Variants in ASAP1 observed in about 807,000 individuals in gnomAD.
The protein encoded by ASAP1 is ArfGAP with SH3 domain, ankyrin repeat and PH domain 1.
ASAP1 carries 43 observed loss-of-function variants against 145.2 expected under a neutral mutation model. The ratio of observed to expected loss-of-function variants is 0.30; its 90% confidence interval spans 0.23 to 0.38. The LOEUF (loss-of-function observed/expected upper bound fraction) is 0.38, where lower values mean the gene tolerates loss of function less well. ASAP1 is among the 10% of genes least tolerant of loss of function. The pLI, the probability that ASAP1 is intolerant of heterozygous loss-of-function variation, is 1.00. For synonymous variants in ASAP1, 546 were observed against 515.5 expected (o/e 1.06, Z -0.80); for missense variants, 1,018 against 1,355.3 (o/e 0.75, Z 3.91).
chr8:130,315,911 T>A (rs1823637083), intron 3 of ASAP1, among the ~76,000 whole-genome samples: 1 of 152,174 alleles, frequency 6.6e-6, no homozygotes, highest in Admixed American at 6.5e-5. Context: ...TAGATATAAA[T>A]CCCACTTATC....
chr8:130,188,739 A>AAAAAAAAAAAAAAAAAAG (rs1554842792), intron 5 of ASAP1, among the ~76,000 whole-genome samples: 1 of 150,440 alleles, frequency 6.6e-6, no homozygotes. Flanking sequence ...AAAAAAAAAA[A>AAAAAAAAAAAAAAAAAAG]AAAAAAGAAA....
intron 29 of ASAP1, among the ~76,000 whole-genome samples, chr8:130,056,826 C>G (rs988009114): frequency 6.6e-6 from 1 of 152,236 alleles, no homozygotes; most frequent in African/African-American, 2.4e-5. Context: ...AATTTTCACC[C>G]TGATGTCAGG....
At chr8:130,158,932 T>C (rs77157739) in intron 12 of ASAP1, among the ~76,000 whole-genome samples, 13 of 152,032 alleles carry the variant, frequency 8.6e-5, no homozygotes, top group Non-Finnish European at 1.5e-4. Context: ...GGGGTTTCAC[T>C]GTGTTAGCCA....
intron 16 of ASAP1, among the ~76,000 whole-genome samples, chr8:130,126,844 A>G (rs1304898190): frequency 1.3e-5 from 2 of 152,200 alleles, no homozygotes; most frequent in Non-Finnish European, 2.9e-5. Context: ...AAAACCGCAA[A>G]AAAGGTATAT....
At chr8:130,282,748 TA>T (rs1187506043) in intron 3 of ASAP1, among the ~76,000 whole-genome samples, 1 of 152,128 alleles carries the variant, frequency 6.6e-6, no homozygotes, top group Non-Finnish European at 1.5e-5. Flanking sequence ...ATTACACAAA[TA>T]ATTTGAAATA....
rs2097649277 is a variant in ASAP1 at position 130,152,781 on chromosome 8, C to T, written c.1035G>A (p.Arg345=). The change falls in exon 13 of 30, where the codon AGG becomes AGA. Residue 345 remains arginine (R), a synonymous_variant. Transcript: ENST00000518721. ...SDGIRKVWQR[R]KCSVKNGILT... is the part of the protein sequence containing the mutation. Reference sequence around the variant, plus strand: ...GAATCCCATTCTTGACTGAACACTTCCTCCTCTGCCATACTTTCCGGATCC... The same window carrying T: ...GAATCCCATTCTTGACTGAACACTTTCTCCTCTGCCATACTTTCCGGATCC... 8 of 1,610,494 alleles carry T rather than the reference C, an allele frequency of 5.0e-6. No homozygotes were observed. The highest frequency in any genetic ancestry group is 6.8e-6 in the Non-Finnish European group (8 of 1,177,416).
intron 14 of ASAP1, among the ~76,000 whole-genome samples, chr8:130,136,615 T>C (rs184661448): frequency 2.0e-5 from 3 of 151,576 alleles, no homozygotes; most frequent in African/African-American, 7.3e-5. Context: ...TATAATTCAG[T>C]AGATCTAAGA....
At chr8:130,321,307 T>C (rs1823989304) in intron 3 of ASAP1, among the ~76,000 whole-genome samples, 1 of 152,104 alleles carries the variant, frequency 6.6e-6, no homozygotes, top group Non-Finnish European at 1.5e-5. Flanking sequence ...CAAGTACAAC[T>C]GATTTCAAAT....
chr8:130,388,902 C>T (rs4526396), intron 2 of ASAP1, among the ~76,000 whole-genome samples: 51,521 of 152,104 alleles, frequency 0.34, 9,752 homozygotes, highest in African/African-American at 0.51. Context: ...CAGGGCCAGA[C>T]TCCCTGCAGC....
rs369524160 is a variant in ASAP1 at position 130,264,917 on chromosome 8, G to A, written c.187-27923C>T. Among the ~76,000 whole-genome samples the A allele has an allele frequency of 5.9e-5, 9 of 152,048 alleles. No individual in the cohort carries two copies. In the East Asian group the frequency reaches 1.4e-3, roughly 23 times the overall value. On this transcript the variant is annotated intron_variant, in intron 3 of 29. Coordinates refer to ENST00000518721, the MANE Select transcript of ASAP1 (RefSeq NM_018482.4). ...TCTTTGAAGAGTAAATGACCCCCAA[G>A]AATCAAAGGAAAAGAAAAACATCTT... is the stretch of plus-strand genomic sequence containing the variant.
chr8:130,091,888 G>C, intron 25 of ASAP1, 85 bp downstream of exon 25: 1 of 1,377,110 alleles, frequency 7.3e-7, no homozygotes, highest in Non-Finnish European at 9.6e-7. Context: ...CACACTTTCT[G>C]AATGTGCTAA....
intron 3 of ASAP1, among the ~76,000 whole-genome samples, chr8:130,324,096 A>G (rs768342949): frequency 2.0e-5 from 3 of 152,178 alleles, no homozygotes; most frequent in Non-Finnish European, 4.4e-5. Context: ...CCTCTGAGTC[A>G]ATCATCAAAT....
rs552281325 is a variant in ASAP1, at chr8:130,165,333, AAAC to A, written c.909+2200_909+2202del. The stretch of plus-strand genomic sequence containing the variant: ...AGTGGTTAAGTACATACAGTAAGTA[AAAC>A]AACAATAAACAAAAAAACCCCAAAA... On this transcript the variant is annotated intron_variant, in intron 11 of 29. Coordinates refer to ENST00000518721, the MANE Select transcript of ASAP1 (RefSeq NM_018482.4). Among the ~76,000 whole-genome samples, 9 of 152,306 alleles carry A rather than the reference AAAC, an allele frequency of 5.9e-5. No homozygotes were observed. In the South Asian group the frequency reaches 1.9e-3, roughly 32 times the overall value.
intron 9 of ASAP1, among the ~76,000 whole-genome samples, chr8:130,171,260 C>T (rs983874516): frequency 1.3e-5 from 2 of 152,304 alleles, no homozygotes; most frequent in South Asian, 4.1e-4. Context: ...GCCTGGAATG[C>T]CCTTCCCCTC....
chr8:130,164,750 C>T lies in ASAP1; in HGVS notation c.909+2786G>A, dbSNP rs148247563. 3.0e-3 allele frequency among the ~76,000 whole-genome samples: 460 copies of T among 152,176 alleles called. 1 individual carries two copies. Among genetic ancestry groups the T allele is most frequent in the African/African-American group, 0.011 (443 of 41,510 alleles). On this transcript the variant is annotated intron_variant, in intron 11 of 29. Transcript: ENST00000518721. ...GAAAAAAAATGAGTTTACTGAAATT[C>T]CAGGGATCCTATTCACAACTAAAAT...
chr8:130,161,222 A>G (rs965992360), intron 11 of ASAP1, among the ~76,000 whole-genome samples: 7 of 152,212 alleles, frequency 4.6e-5, no homozygotes, highest in Admixed American at 1.3e-4. Flanking sequence ...CCCCAAGGGA[A>G]AAGAACTTAA....
At chr8:130,296,469 G>A (rs1030916549) in intron 3 of ASAP1, among the ~76,000 whole-genome samples, 3 of 151,464 alleles carry the variant, frequency 2.0e-5, no homozygotes, top group African/African-American at 7.3e-5. Context: ...GTAAGCAGGG[G>A]TCCCTGTGCT....
At chr8:130,201,341 G>A (rs1185361962) in intron 5 of ASAP1, among the ~76,000 whole-genome samples, 1 of 152,180 alleles carries the variant, frequency 6.6e-6, no homozygotes. Context: ...TACACCATGT[G>A]CTAAAGGCAC....
chr8:130,348,474 G>T (rs140419646), intron 3 of ASAP1, among the ~76,000 whole-genome samples: 19 of 152,278 alleles, frequency 1.2e-4, no homozygotes. Context: ...TTAAAATTCA[G>T]TTCTTACACA....
Sources: allele counts gnomAD v4.1 joint callset (sites outside exome capture counted in the v4.1 genomes callset), GRCh38; gene constraint gnomAD v4.1.1; transcripts MANE v1.5; gene names NCBI Gene and HGNC (gene_info 2026-07-23, HGNC 2026-07-21).